The following SLC37A2 variants were observed in gnomAD, a reference collection of about 807,000 sequenced individuals.
SLC37A2 encodes the protein glucose-6-phosphate exchanger SLC37A2.
SLC37A2 carries 59 observed loss-of-function variants against 70.7 expected under a neutral mutation model. The observed-to-expected ratio is 0.83, with a 90% CI of 0.68 to 1.04. The LOEUF is 1.04. Among genes scored for constraint, SLC37A2 ranks in the 50% least tolerant of loss-of-function variants. SLC37A2 has a pLI of 0.00. For missense variants in SLC37A2, 580 were observed against 658.1 expected, an observed-to-expected ratio of 0.88 and a Z score of 1.30; for synonymous variants, 257 against 262.1, an observed-to-expected ratio of 0.98 and a Z score of 0.19.
At chr11:125,071,200 C>T (rs189382280) in intron 1 of SLC37A2, among the ~76,000 whole-genome samples, 30 of 152,284 alleles carry the variant, frequency 2.0e-4, no homozygotes, top group African/African-American at 4.6e-4. Context: ...GTCCCCTGGA[C>T]GCTTCTTGCT....
rs150480230 is a variant in SLC37A2 at position 125,085,940 on chromosome 11, C to T, written c.1426-14C>T. On this transcript the variant is annotated splice_polypyrimidine_tract_variant and intron_variant, in intron 16 of 17. Coordinates refer to ENST00000403796, the MANE Select transcript of SLC37A2 (RefSeq NM_001145290.2). ...ACAGTGCCCTCCCTTCCCTCTGTGCCTTGTGCTCCACAGCTCCTTTGCCGG... is the reference window on the plus strand; with the variant it reads ...ACAGTGCCCTCCCTTCCCTCTGTGCTTTGTGCTCCACAGCTCCTTTGCCGG... 1.2e-6 allele frequency: 2 copies of T among 1,613,482 alleles called. No individual in the cohort carries two copies. The highest frequency in any genetic ancestry group is 4.5e-5 in the East Asian group (2 of 44,862).
At chr11:125,085,372 C>T (rs371895358) in intron 14 of SLC37A2, 23 bp from the exon 15 acceptor site, 1 of 1,610,074 alleles carries the variant, frequency 6.2e-7, no homozygotes, top group Non-Finnish European at 8.5e-7. Flanking sequence ...GCTGGGCTTC[C>T]CCACTCCACT....
intron 4 of SLC37A2, 35 bp downstream of exon 4, chr11:125,077,563 G>A (rs781151239): frequency 4.9e-5 from 78 of 1,576,678 alleles, no homozygotes; most frequent in Non-Finnish European, 6.4e-5. Flanking sequence ...ACCAAGAGGA[G>A]GATGGTTTAG....
rs1374622716 is a variant in SLC37A2 at position 125,090,229 on chromosome 11, CTG to C, written c.*2097_*2098del. 1.3e-5 allele frequency: 2 copies of C among 152,198 alleles called. No individual in the cohort carries two copies. The highest frequency in any genetic ancestry group is 2.4e-5 in the African/African-American group (1 of 41,422). 9.4% of individuals were successfully genotyped at this position (152,198 alleles called of 1,614,324 possible). On this transcript the variant is annotated 3_prime_UTR_variant, in exon 18 of 18. Coordinates refer to ENST00000403796, the MANE Select transcript of SLC37A2 (RefSeq NM_001145290.2). ...GTTTGTGAGTGCACCAATCAACACT[CTG>C]TATCTAGCTGCTCTGGTGGGGCCTT... is the stretch of plus-strand genomic sequence containing the variant.
rs768840506 is a variant in SLC37A2, at chr11:125,084,808, C to T, written c.1126-17C>T. The T allele has an allele frequency of 1.2e-6, 2 of 1,612,924 alleles. No homozygotes were observed. Among genetic ancestry groups the T allele is most frequent in the Admixed American group, 3.3e-5 (2 of 59,884 alleles). On this transcript the variant is annotated splice_polypyrimidine_tract_variant and intron_variant, in intron 12 of 17. Transcript: ENST00000403796. ...AGGGATTCCGGGTGACTCTGCCTCT[C>T]CCCTCTCCTCTCTCAGATGTTCCTG...
rs773855527 is a variant in SLC37A2 at position 125,079,239 on chromosome 11, G to A, written c.442G>A (p.Val148Ile). Residue 148 changes from valine (V) to isoleucine (I), a missense_variant, in exon 5 of 18, where the codon GTC (valine) becomes ATC (isoleucine). Transcript: ENST00000403796. ...CATCCACGAGCTCTGGTACTTTGTGGTCATCCAGGTATGAATCACCGTCTT... is the reference window on the plus strand; with the variant it reads ...CATCCACGAGCTCTGGTACTTTGTGATCATCCAGGTATGAATCACCGTCTT... ...WNIHELWYFV[V>I]IQVCNGLVQT... 3.1e-6 allele frequency: 5 copies of A among 1,614,110 alleles called. No individual in the cohort carries two copies. Among genetic ancestry groups the A allele is most frequent in the South Asian group, 1.1e-5 (1 of 91,070 alleles).
chr11:125,066,698 C>T (rs1327385989), intron 1 of SLC37A2, among the ~76,000 whole-genome samples: 1 of 151,890 alleles, frequency 6.6e-6, no homozygotes, highest in Non-Finnish European at 1.5e-5. Flanking sequence ...TTTCAAAAAA[C>T]ACAATGAACA....
rs1222218254 is a variant in SLC37A2 at position 125,079,124 on chromosome 11, G to A, written c.327G>A (p.Gly109=). ...TTCTCTTCCCCAGTGGGGTTTTTGGGGAGCGGCTTCCGCTCCGTTACTACC... is the reference window on the plus strand; with the variant it reads ...TTCTCTTCCCCAGTGGGGTTTTTGGAGAGCGGCTTCCGCTCCGTTACTACC... ...AIGMFISGVF[G]ERLPLRYYLS... is the part of the protein sequence containing the mutation. Residue 109 remains glycine (G), a synonymous_variant, in exon 5 of 18, where the codon GGG becomes GGA. Coordinates refer to ENST00000403796, the MANE Select transcript of SLC37A2 (RefSeq NM_001145290.2). 1 of 1,614,050 alleles carries A rather than the reference G, an allele frequency of 6.2e-7. No homozygotes were observed. Among genetic ancestry groups the A allele is most frequent in the African/African-American group, 1.3e-5 (1 of 74,928 alleles).
Position 125,084,457 on chromosome 11 carries a change from G to A in SLC37A2, c.1125+138G>A, listed in dbSNP as rs886526270. The stretch of plus-strand genomic sequence containing the variant: ...TGCACATGCATCATTGTGCACACAC[G>A]GGGGAGGAGAAGCGAGGGTCAGCAG... On this transcript the variant is annotated intron_variant, in intron 12 of 17. Coordinates refer to ENST00000403796, the MANE Select transcript of SLC37A2 (RefSeq NM_001145290.2). 1.7e-4 allele frequency: 153 copies of A among 914,352 alleles called. 1 individual carries two copies. Among genetic ancestry groups the A allele is most frequent in the Admixed American group, 8.4e-5 (4 of 47,804 alleles). The allele number at this position is 914,352 out of a possible 1,614,324, so 56.6% of individuals were successfully genotyped here.
chr11:125,082,447 C>T, intron 10 of SLC37A2, 113 bp downstream of exon 10: 2 of 879,826 alleles, frequency 2.3e-6, no homozygotes, highest in Admixed American at 3.7e-5. Flanking sequence ...AGGCAGAATT[C>T]CTGCTGAACC....
At chr11:125,087,920 C>T (rs1949240114) in intron 17 of SLC37A2, 199 bp from the exon 18 acceptor site, 11 of 580,142 alleles carry the variant, frequency 1.9e-5, no homozygotes, top group South Asian at 1.5e-4. Context: ...GTGTGAGCCA[C>T]CGCGCCCGGC....
chr11:125,084,103 C>A, intron 11 of SLC37A2, 131 bp from the exon 12 acceptor site: 1 of 1,017,684 alleles, frequency 9.8e-7, no homozygotes, highest in Non-Finnish European at 1.5e-6. Flanking sequence ...AAGGGGAGGG[C>A]TGTGGAAAAA....
rs967035097 is a variant in SLC37A2, at chr11:125,082,129, G to A, written c.886-115G>A. Reference sequence around the variant, plus strand: ...ATTGGGACTGGATGTGTTGGAGGCTGCCTTGTGTGGCAGGTGATGGAAAGT... The same window carrying A: ...ATTGGGACTGGATGTGTTGGAGGCTACCTTGTGTGGCAGGTGATGGAAAGT... On this transcript the variant is annotated intron_variant, in intron 9 of 17. Coordinates refer to ENST00000403796, the MANE Select transcript of SLC37A2 (RefSeq NM_001145290.2). 4 of 1,102,346 alleles carry A rather than the reference G, an allele frequency of 3.6e-6. No homozygotes were observed. The Admixed American group carries it at 7.2e-5, about 20-fold the overall frequency. 68.3% of individuals were successfully genotyped at this position (1,102,346 alleles called of 1,614,324 possible). A position where few individuals can be genotyped will look rare whatever the true frequency, so the allele number is the denominator to read the frequency against.
Position 125,083,911 on chromosome 11 carries a change from C to T in SLC37A2, c.1039+34C>T, listed in dbSNP as rs774265167. The T allele has an allele frequency of 1.9e-6, 3 of 1,601,468 alleles. No homozygotes were observed. Among genetic ancestry groups the T allele is most frequent in the Non-Finnish European group, 2.6e-6 (3 of 1,168,698 alleles). ...TTGCCCTGCTCTGCCAGCAGGCTCC[C>T]TTCCCCTCTTTTCTTGTGGGGTGCA... On this transcript the variant is annotated intron_variant, in intron 11 of 17. Transcript: ENST00000403796. This position sits in a 1 kb window ranked among gnomAD's most constrained non-coding sequence, Gnocchi z 4.6.
At position 125,080,009 on chromosome 11, in the gene SLC37A2, A is replaced by G. The variant is rs1320739500; in HGVS notation, c.527+249A>G. 1.3e-5 allele frequency among the ~76,000 whole-genome samples: 2 copies of G among 152,228 alleles called. No individual in the cohort carries two copies. The highest frequency in any genetic ancestry group is 3.8e-4 in the East Asian group (2 of 5,202). ...ATTAATTTCTATTTTCAACGAAGACAAAAAGAAGCCTATAAAACTTCCGCC... is the reference window on the plus strand; with the variant it reads ...ATTAATTTCTATTTTCAACGAAGACGAAAAGAAGCCTATAAAACTTCCGCC... On this transcript the variant is annotated intron_variant, in intron 6 of 17. Coordinates refer to ENST00000403796, the MANE Select transcript of SLC37A2 (RefSeq NM_001145290.2). This position sits in a 1 kb window ranked among gnomAD's most constrained non-coding sequence, Gnocchi z 4.3.
rs111795737 is a variant in SLC37A2 at position 125,089,564 on chromosome 11, A to G, written c.*1430A>G. 0.013 allele frequency: 2,029 copies of G among 152,904 alleles called. 24 individuals are homozygous for G. Among genetic ancestry groups the G allele is most frequent in the Non-Finnish European group, 0.021 (1,439 of 68,500 alleles). 9.5% of individuals were successfully genotyped at this position (152,904 alleles called of 1,614,324 possible). ...GGGCCAGCTGGAGTTCCGGGTGGGC[A>G]TGGGCTTGGCGGGCCTGCACTCGGA... On this transcript the variant is annotated 3_prime_UTR_variant, in exon 18 of 18. Transcript: ENST00000403796.
chr11:125,086,211 A>T, intron 17 of SLC37A2, 193 bp downstream of exon 17: 1 of 1,612,888 alleles, frequency 6.2e-7, no homozygotes, highest in South Asian at 1.1e-5. Context: ...TAGCTCTAGT[A>T]TGGTCCTAAC....
rs779904494 is a variant in SLC37A2, at chr11:125,085,995, G to C, written c.1467G>C (p.Lys489Asn). 3 of 1,614,186 alleles carry C rather than the reference G, an allele frequency of 1.9e-6. No individual in the cohort carries two copies. In the South Asian group the frequency reaches 3.3e-5, roughly 18 times the overall value. ...RLVYKEILAW[K>N]VSLSRGSGYK... ...TATACAAAGAGATCTTGGCCTGGAA[G>C]GTGTCCCTGAGCAGAGGCAGCGGGT... Residue 489 changes from lysine (K) to asparagine (N), a missense_variant, in exon 17 of 18, where the codon AAG becomes AAC. Coordinates refer to ENST00000403796, the MANE Select transcript of SLC37A2 (RefSeq NM_001145290.2).
rs147491731 is a variant in SLC37A2 at position 125,077,503 on chromosome 11, G to A, written c.289G>A (p.Ala97Thr). 24 of 1,613,682 alleles carry A rather than the reference G, an allele frequency of 1.5e-5. 1 individual carries two copies. In the East Asian group the frequency reaches 1.8e-4, roughly 12 times the overall value. The part of the protein sequence containing the change: ...LGGVDNAFLI[A>T]YAIGMFISGV... ...GGGCGTGGACAACGCCTTCCTCATC[G>A]CCTATGCCATCGGCATGTTCATCAG... The change falls in exon 4 of 18, where the codon GCC becomes ACC. Residue 97 changes from alanine to threonine, a missense_variant. Transcript: ENST00000403796.
Sources: gnomAD v4.1 joint callset for allele counts (sites outside exome capture counted in the v4.1 genomes callset) on GRCh38, gnomAD v4.1.1 for gene constraint, Gnocchi (gnomAD v3.1) non-coding constraint, MANE v1.5 for transcripts, NCBI Gene and HGNC (gene_info 2026-07-23, HGNC 2026-07-21) for gene names.